The following SRPRA variants were observed in gnomAD, a reference collection of about 807,000 sequenced individuals.
SRPRA encodes the protein signal recognition particle receptor subunit alpha.
A neutral mutation model predicts 61.1 loss-of-function variants in SRPRA; 30 were observed. That is an observed-to-expected ratio of 0.49 (90% CI 0.37 to 0.67). SRPRA has a LOEUF of 0.67. Ranked by LOEUF, SRPRA falls within the 30% of genes least tolerant of loss-of-function variation. The pLI, the probability that SRPRA is intolerant of heterozygous loss-of-function variation, is 0.00. For missense variants in SRPRA, 759 were observed against 828.4 expected, an observed-to-expected ratio of 0.92 and a Z score of 1.03; for synonymous variants, 324 against 299.7, an observed-to-expected ratio of 1.08 and a Z score of -0.84.
chr11:126,250,058 G>A, the SRPRA span, among the ~76,000 whole-genome samples: 5 of 150,876 alleles, frequency 3.3e-5, no homozygotes, highest in Non-Finnish European at 5.9e-5. The surrounding 1 kb of genome is among the most constrained non-coding windows in gnomAD (Gnocchi z 5.1). Context: ...TCCTTATTAC[G>A]TTCGTATGAG....
At chr11:126,238,905 A>T in the SRPRA span, among the ~76,000 whole-genome samples, 2 of 150,272 alleles carry the variant, frequency 1.3e-5, no homozygotes, top group Non-Finnish European at 3.0e-5. Context: ...AGTAACTATT[A>T]TTTGGTGGTT....
chr11:126,256,008 C>T, the SRPRA span, among the ~76,000 whole-genome samples: 4 of 152,106 alleles, frequency 2.6e-5, no homozygotes, highest in African/African-American at 4.8e-5. The surrounding 1 kb of genome is among the most constrained non-coding windows in gnomAD (Gnocchi z 6.6). Context: ...CAGTGGCTCA[C>T]GCCTGTAATC....
chr11:126,267,030 G>A lies in SRPRA; in HGVS notation c.527-108C>T. The A allele has an allele frequency of 1.3e-6, 2 of 1,528,970 alleles. No individual in the cohort carries two copies. The highest frequency in any genetic ancestry group is 1.8e-6 in the Non-Finnish European group (2 of 1,137,266). The allele number at this position is 1,528,970 out of a possible 1,614,324, so 94.7% of individuals were successfully genotyped here. Reference sequence around the variant, plus strand: ...AAAGGAAATTTGGACCAAACATCTTGGAGTTCATAAGGCCTGGGGATTATA... The same window carrying A: ...AAAGGAAATTTGGACCAAACATCTTAGAGTTCATAAGGCCTGGGGATTATA... On this transcript the variant is annotated intron_variant, in intron 4 of 13. Coordinates refer to ENST00000332118, the MANE Select transcript of SRPRA (RefSeq NM_003139.4). This position sits in a 1 kb window ranked among gnomAD's most constrained non-coding sequence, Gnocchi z 4.2.
the SRPRA span, chr11:126,250,669 T>C: frequency 6.2e-7 from 1 of 1,614,182 alleles, no homozygotes; most frequent in Non-Finnish European, 8.5e-7. The surrounding 1 kb of genome is among the most constrained non-coding windows in gnomAD (Gnocchi z 5.1). Context: ...GATAATCTCT[T>C]GGAACTGTAT....
At chr11:126,241,008 C>T in the SRPRA span, 51 of 1,612,162 alleles carry the variant, frequency 3.2e-5, no homozygotes, top group Middle Eastern at 9.9e-4. Context: ...AGAACCTGGT[C>T]CATGTTGCCC....
In SRPRA at chr11:126,264,293, G is replaced by A; in HGVS notation, c.1690-4C>T. 2 of 1,613,294 alleles carry A rather than the reference G, an allele frequency of 1.2e-6. No homozygotes were observed. Among genetic ancestry groups the A allele is most frequent in the African/African-American group, 1.3e-5 (1 of 74,970 alleles). On this transcript the variant is annotated splice_region_variant and splice_polypyrimidine_tract_variant and intron_variant, in intron 12 of 13. Coordinates refer to ENST00000332118, the MANE Select transcript of SRPRA (RefSeq NM_003139.4). The surrounding 1 kb of genome is among the most constrained non-coding windows in gnomAD (Gnocchi z 5.0). ...CCAAGGCTCTGTTGAACTTGACCTG[G>A]AAAGAAAAAGTGATAGAAGTGTAAG... is the stretch of plus-strand genomic sequence containing the variant.
At chr11:126,244,226 C>T in the SRPRA span, among the ~76,000 whole-genome samples, 5 of 152,076 alleles carry the variant, frequency 3.3e-5, no homozygotes, top group Non-Finnish European at 5.9e-5. This position sits in a 1 kb window ranked among gnomAD's most constrained non-coding sequence, Gnocchi z 4.5. Flanking sequence ...CAACATGGTG[C>T]TGGATGTTCT....
chr11:126,263,547 T>G lies in SRPRA; in HGVS notation c.*369A>C, dbSNP rs555101944. The G allele has an allele frequency of 6.2e-5, 12 of 192,218 alleles. No homozygotes were observed. The highest frequency in any genetic ancestry group is 2.2e-3 in the Middle Eastern group (1 of 454). The allele number at this position is 192,218 out of a possible 1,614,324, so 11.9% of individuals were successfully genotyped here. ...GAAGAGTCTCTTAACCTAATGCAGC[T>G]GGGACTCATTAGGCTCAGACGGCTC... On this transcript the variant is annotated 3_prime_UTR_variant, in exon 14 of 14. Coordinates refer to ENST00000332118, the MANE Select transcript of SRPRA (RefSeq NM_003139.4).
the SRPRA span, among the ~76,000 whole-genome samples, chr11:126,248,417 C>G: frequency 1.7e-5 from 2 of 114,900 alleles, no homozygotes; most frequent in East Asian, 6.3e-4. Context: ...GTTGCCCAGG[C>G]TGGAGTGCAA....
the SRPRA span, chr11:126,256,708 A>C: frequency 6.2e-7 from 1 of 1,614,142 alleles, no homozygotes; most frequent in Non-Finnish European, 8.5e-7. The surrounding 1 kb of genome is among the most constrained non-coding windows in gnomAD (Gnocchi z 6.6). Flanking sequence ...GCTGGTTCGG[A>C]GAGGAGACGT....
chr11:126,265,634 T>C lies in SRPRA; in HGVS notation c.1138+103A>G. On this transcript the variant is annotated intron_variant, in intron 9 of 13. Coordinates refer to ENST00000332118, the MANE Select transcript of SRPRA (RefSeq NM_003139.4). The surrounding 1 kb of genome is among the most constrained non-coding windows in gnomAD (Gnocchi z 6.3). Reference sequence around the variant, plus strand: ...ACCCTTAAAATCTAGGTTACAGAGGTTTAGAGGTTAAGGAATTTGCCGAAA... The same window carrying C: ...ACCCTTAAAATCTAGGTTACAGAGGCTTAGAGGTTAAGGAATTTGCCGAAA... 2.2e-6 allele frequency: 3 copies of C among 1,351,808 alleles called. No individual in the cohort carries two copies. Among genetic ancestry groups the C allele is most frequent in the Non-Finnish European group, 3.1e-6 (3 of 961,110 alleles). 83.7% of individuals were successfully genotyped at this position (1,351,808 alleles called of 1,614,324 possible). A position where few individuals can be genotyped will look rare whatever the true frequency, so the allele number is the denominator to read the frequency against.
the SRPRA span, chr11:126,241,057 G>C: frequency 6.4e-7 from 1 of 1,557,634 alleles, no homozygotes; most frequent in Non-Finnish European, 8.7e-7. Flanking sequence ...GAGTACCCTA[G>C]TATGTGCCAC....
chr11:126,254,219 T>C, the SRPRA span: 3 of 1,482,266 alleles, frequency 2.0e-6, no homozygotes, highest in Non-Finnish European at 2.7e-6. Flanking sequence ...AGAAGTCTAG[T>C]CCTCAAAACA....
the SRPRA span, among the ~76,000 whole-genome samples, chr11:126,239,386 CTATT>C: frequency 6.6e-6 from 1 of 152,152 alleles, no homozygotes; most frequent in South Asian, 2.1e-4. Flanking sequence ...CATTTAACCA[CTATT>C]TATACATCTT....
rs1465935622 is a variant in SRPRA, at chr11:126,265,803, T to C, written c.1072A>G (p.Ile358Val). Residue 358 changes from isoleucine to valine, a missense_variant, in exon 9 of 14, where the codon ATT becomes GTT. This residue lies in a region of SRPRA where 475 missense variants were observed against 462.5 expected (regional missense o/e 1.03). Transcript: ENST00000332118. The surrounding 1 kb of genome is among the most constrained non-coding windows in gnomAD (Gnocchi z 6.3). ...ACAGATTCACAGAGCTGGACGGCAA[T>C]GTCTGCAGCCACGTTCTTAGCTGAG... ...HLIAKNVAAD[I>V]AVQLCESVAN... is the part of the protein sequence containing the mutation. The C allele has an allele frequency of 4.3e-6, 7 of 1,614,118 alleles. No homozygotes were observed. Among genetic ancestry groups the C allele is most frequent in the South Asian group, 1.1e-5 (1 of 91,090 alleles).
rs776133475 is a variant in SRPRA at position 126,266,648 on chromosome 11, CAA to C, written c.687-21_687-20del. On this transcript the variant is annotated intron_variant, in intron 5 of 13. Transcript: ENST00000332118. ...GGACTTGCTGCAACAGGTTATGATACAAAGAGTTATGGTGGAGAAGTAGGAAA... is the reference window on the plus strand; with the variant it reads ...GGACTTGCTGCAACAGGTTATGATACAGAGTTATGGTGGAGAAGTAGGAAA... The C allele has an allele frequency of 3.7e-6, 6 of 1,612,506 alleles. No individual in the cohort carries two copies. Among genetic ancestry groups the C allele is most frequent in the East Asian group, 2.2e-5 (1 of 44,878 alleles).
At position 126,267,138 on chromosome 11, in the gene SRPRA, T is replaced by C. The variant is rs1950826422; in HGVS notation, c.526+37A>G. 6.2e-7 allele frequency: 1 copy of C among 1,613,008 alleles called. No homozygotes were observed. Among genetic ancestry groups the C allele is most frequent in the South Asian group, 1.1e-5 (1 of 90,994 alleles). Reference sequence around the variant, plus strand: ...CAGTCCTTAGCACCGTGTTAACACCTTTCATGTCCCAGTATATCCAAAGAA... The same window carrying C: ...CAGTCCTTAGCACCGTGTTAACACCCTTCATGTCCCAGTATATCCAAAGAA... On this transcript the variant is annotated intron_variant, in intron 4 of 13. Transcript: ENST00000332118. This position sits in a 1 kb window ranked among gnomAD's most constrained non-coding sequence, Gnocchi z 4.2.
the SRPRA span, chr11:126,245,055 C>G: frequency 9.2e-5 from 14 of 152,328 alleles, no homozygotes; most frequent in East Asian, 2.5e-3. Flanking sequence ...ATGGCATGCA[C>G]CTGTAGTCCC....
the SRPRA span, among the ~76,000 whole-genome samples, chr11:126,239,767 G>GC: frequency 6.6e-6 from 1 of 152,112 alleles, no homozygotes. Context: ...GCCCACCTTG[G>GC]CCCCCCAAAG....
Sources: gnomAD v4.1 joint callset for allele counts (sites outside exome capture counted in the v4.1 genomes callset) on GRCh38, gnomAD v4.1.1 for gene constraint, gnomAD v4.1.1 regional missense constraint, Gnocchi (gnomAD v3.1) non-coding constraint, MANE v1.5 for transcripts, NCBI Gene and HGNC (gene_info 2026-07-23, HGNC 2026-07-21) for gene names.